RBFOX1: variants seen among roughly 807,000 people sequenced by gnomAD.
The protein encoded by RBFOX1 is RNA binding fox-1 homolog 1.
In RBFOX1, 8 loss-of-function variants were observed where a neutral mutation model predicts 57.7. The ratio of observed to expected loss-of-function variants is 0.14; its 90% CI spans 0.08 to 0.25. The LOEUF (loss-of-function observed/expected upper bound fraction) is 0.25. Ranked by LOEUF, RBFOX1 falls within the 10% of genes least tolerant of loss-of-function variation. The probability of loss-of-function intolerance (pLI) is 1.00; values close to 1 mark genes in which losing one functional copy is unlikely to be tolerated. For synonymous variants in RBFOX1, 326 were observed against 222.4 expected (o/e 1.47, Z -4.15); for missense variants, 611 against 548.5 (o/e 1.11, Z -1.14).
chr16:6,854,446 C>G (rs2057417041), intron 3 of RBFOX1, among the ~76,000 whole-genome samples: 1 of 152,000 alleles, frequency 6.6e-6, no homozygotes, highest in African/African-American at 2.4e-5. Flanking sequence ...GATGGAAATT[C>G]AATGGCATGT....
intron 4 of RBFOX1, among the ~76,000 whole-genome samples, chr16:7,125,346 T>G (rs917781579): frequency 6.6e-6 from 1 of 152,152 alleles, no homozygotes; most frequent in African/African-American, 2.4e-5. Context: ...GATACTACTT[T>G]TAGATCCTCA....
intron 4 of RBFOX1, among the ~76,000 whole-genome samples, chr16:7,470,466 T>C (rs115993971): frequency 6.6e-6 from 1 of 151,732 alleles, no homozygotes; most frequent in African/African-American, 2.4e-5. Flanking sequence ...GATGAGTGGA[T>C]GGATGGATGG....
chr16:7,527,650 C>A (rs930653826), intron 5 of RBFOX1, among the ~76,000 whole-genome samples: 1 of 152,166 alleles, frequency 6.6e-6, no homozygotes, highest in Non-Finnish European at 1.5e-5. Flanking sequence ...AGGCACGTTA[C>A]ATAACTTCTC....
intron 14 of RBFOX1, among the ~76,000 whole-genome samples, chr16:7,680,066 G>C (rs2074346424): frequency 6.6e-6 from 1 of 152,100 alleles, no homozygotes; most frequent in African/African-American, 2.4e-5. Context: ...ATGGCAGAGG[G>C]GCCTTTGGTC....
chr16:5,240,878 C>A (rs1452040951), intron 1 of RBFOX1, among the ~76,000 whole-genome samples: 6 of 152,280 alleles, frequency 3.9e-5, no homozygotes, highest in Non-Finnish European at 7.4e-5. Context: ...GCTTTGCTGG[C>A]CTTCCACTGG....
chr16:7,338,978 T>A (rs1272241647), intron 4 of RBFOX1, among the ~76,000 whole-genome samples: 4 of 152,194 alleles, frequency 2.6e-5, no homozygotes, highest in African/African-American at 9.6e-5. Flanking sequence ...ACTCTGAGGC[T>A]GCTCCATCTT....
At chr16:6,535,674 C>T (rs576606689) in intron 2 of RBFOX1, among the ~76,000 whole-genome samples, 22 of 152,318 alleles carry the variant, frequency 1.4e-4, no homozygotes, top group African/African-American at 5.3e-4. Context: ...GACCAGGATC[C>T]TGACCCATGG....
chr16:6,565,553 A>C (rs1041844383), intron 2 of RBFOX1, among the ~76,000 whole-genome samples: 2 of 151,464 alleles, frequency 1.3e-5, no homozygotes, highest in South Asian at 4.2e-4. Flanking sequence ...CACTGCGCCC[A>C]GCTCCCAGAT....
chr16:7,676,896 A>G lies in RBFOX1; in HGVS notation c.995+58A>G, dbSNP rs567730245. ...CTTGTAAATTAACTTAGTTGATGGG[A>G]GAGGAGATTCTTGTATGGTCTTGGT... On this transcript the variant is annotated intron_variant, in intron 14 of 15. Coordinates refer to ENST00000550418, the MANE Select transcript of RBFOX1 (RefSeq NM_018723.4). 9.3e-6 allele frequency: 14 copies of G among 1,501,638 alleles called. No individual in the cohort carries two copies. In the South Asian group the frequency reaches 1.5e-4, roughly 16 times the overall value. 93.0% of individuals were successfully genotyped at this position (1,501,638 alleles called of 1,614,324 possible). A position where few individuals can be genotyped will look rare whatever the true frequency, so the allele number is the denominator to read the frequency against.
chr16:7,668,105 G>C (rs1322653110), intron 13 of RBFOX1, among the ~76,000 whole-genome samples: 1 of 152,156 alleles, frequency 6.6e-6, no homozygotes, highest in Non-Finnish European at 1.5e-5. Flanking sequence ...TATCAGAGCA[G>C]GTCAACAACT....
chr16:7,626,499 T>C (rs2060092907), intron 10 of RBFOX1, among the ~76,000 whole-genome samples: 1 of 152,156 alleles, frequency 6.6e-6, no homozygotes, highest in Non-Finnish European at 1.5e-5. Context: ...GTGACAGGCT[T>C]TGGAACGGGC....
chr16:7,181,358 C>G (rs1043060501), intron 4 of RBFOX1, among the ~76,000 whole-genome samples: 1 of 152,154 alleles, frequency 6.6e-6, no homozygotes, highest in Non-Finnish European at 1.5e-5. Flanking sequence ...TTTGGTTCTA[C>G]TTTTCCCTAC....
At chr16:7,510,239 CA>C (rs1172658900) in intron 4 of RBFOX1, 1 of 985,772 alleles carries the variant, frequency 1.0e-6, no homozygotes, top group East Asian at 1.1e-4. Context: ...GTGCTTGGGG[CA>C]GATGCTTTGT....
At chr16:7,462,043 C>A (rs1453215490) in intron 4 of RBFOX1, among the ~76,000 whole-genome samples, 3 of 152,180 alleles carry the variant, frequency 2.0e-5, no homozygotes, top group Admixed American at 6.5e-5. Flanking sequence ...GGCCAGTGAG[C>A]TGTGGGGACA....
At chr16:5,588,112 G>C (rs2046892475) in intron 2 of RBFOX1, among the ~76,000 whole-genome samples, 1 of 152,156 alleles carries the variant, frequency 6.6e-6, no homozygotes, top group African/African-American at 2.4e-5. Flanking sequence ...AGGCACAAAA[G>C]ACCATAGATT....
At chr16:7,621,027 G>A (rs1278032285) in intron 10 of RBFOX1, among the ~76,000 whole-genome samples, 1 of 152,026 alleles carries the variant, frequency 6.6e-6, no homozygotes, top group Non-Finnish European at 1.5e-5. Flanking sequence ...TATGAGAAAT[G>A]CAGAGTCTCA....
At chr16:6,965,937 G>A (rs2084041982) in intron 3 of RBFOX1, among the ~76,000 whole-genome samples, 1 of 152,148 alleles carries the variant, frequency 6.6e-6, no homozygotes, top group Non-Finnish European at 1.5e-5. Context: ...TAGCATCGGG[G>A]GATCCAGTGC....
At chr16:5,806,197 T>G (rs2055221288) in intron 3 of RBFOX1, among the ~76,000 whole-genome samples, 2 of 152,320 alleles carry the variant, frequency 1.3e-5, no homozygotes, top group African/African-American at 4.8e-5. Context: ...AGGGAGGTTT[T>G]CTCTATCCAT....
intron 12 of RBFOX1, among the ~76,000 whole-genome samples, chr16:7,658,585 C>G (rs1453685544): frequency 6.6e-6 from 1 of 152,120 alleles, no homozygotes; most frequent in African/African-American, 2.4e-5. Flanking sequence ...GCTTTGGAGA[C>G]AAACCCTGTA....
Sources: allele counts gnomAD v4.1 joint callset (sites outside exome capture counted in the v4.1 genomes callset), GRCh38; gene constraint gnomAD v4.1.1; transcripts MANE v1.5; gene names NCBI Gene and HGNC (gene_info 2026-07-23, HGNC 2026-07-21).